TTC12: variants seen among roughly 807,000 people sequenced by gnomAD.
The protein encoded by TTC12 is tetratricopeptide repeat protein 12.
In TTC12, 70 loss-of-function variants were observed where a neutral mutation model predicts 90.1. That is an observed-to-expected ratio of 0.78 (90% confidence interval 0.64 to 0.95). TTC12 has a LOEUF of 0.95. TTC12 is among the 40% of genes least tolerant of loss of function. The pLI is 0.00. For missense variants in TTC12, 819 were observed against 846.1 expected (o/e 0.97, Z 0.40); for synonymous variants, 296 against 311.5 (o/e 0.95, Z 0.53).
At chr11:113,356,674 T>C (rs1329625418) in intron 16 of TTC12, among the ~76,000 whole-genome samples, 1 of 152,112 alleles carries the variant, frequency 6.6e-6, no homozygotes, top group Non-Finnish European at 1.5e-5. Context: ...TTATTTCTCC[T>C]TTACTTATGA....
chr11:113,341,994 C>T lies in TTC12; in HGVS notation c.985+69C>T. On this transcript the variant is annotated intron_variant, in intron 12 of 21. Coordinates refer to ENST00000529221, the MANE Select transcript of TTC12 (RefSeq NM_017868.4). The stretch of plus-strand genomic sequence containing the variant: ...TGCAGGAACTACGCTGTTGGGTGGA[C>T]TGTCCTCCCCAAAGGCCAGGCCCTG... The T allele has an allele frequency of 2.2e-6, 3 of 1,346,108 alleles. No homozygotes were observed. In the South Asian group the frequency reaches 3.5e-5, roughly 16 times the overall value. The allele number at this position is 1,346,108 out of a possible 1,614,324, so 83.4% of individuals were successfully genotyped here.
chr11:113,372,732 A>T (rs1950417985), intron 21 of TTC12, among the ~76,000 whole-genome samples: 1 of 152,136 alleles, frequency 6.6e-6, no homozygotes, highest in Admixed American at 6.5e-5. Context: ...CACATAAACC[A>T]TCCAACGTAA....
chr11:113,317,863 TG>T (rs1947043966), intron 2 of TTC12, among the ~76,000 whole-genome samples: 1 of 152,186 alleles, frequency 6.6e-6, no homozygotes, highest in Admixed American at 6.5e-5. Context: ...TGTATACCAG[TG>T]CTGTCCAATA....
At chr11:113,355,654 C>G (rs1949595017) in intron 16 of TTC12, among the ~76,000 whole-genome samples, 1 of 152,164 alleles carries the variant, frequency 6.6e-6, no homozygotes, top group Admixed American at 6.5e-5. Flanking sequence ...CCCAGAGATT[C>G]TGGTATGTTG....
In TTC12 at chr11:113,364,244, G is replaced by A. The variant is rs1244105897; in HGVS notation, c.1816+317G>A. 6.9e-5 allele frequency: 20 copies of A among 288,268 alleles called. No individual in the cohort carries two copies. The East Asian group carries it at 1.2e-3, about 17-fold the overall frequency. The allele number at this position is 288,268 out of a possible 1,614,324, so 17.9% of individuals were successfully genotyped here. ...TCACAGAAGGAGAGGGGGAAACACC[G>A]TCAACGTTTAGTGAACAAGGGAAAT... On this transcript the variant is annotated intron_variant, in intron 20 of 21. Coordinates refer to ENST00000529221, the MANE Select transcript of TTC12 (RefSeq NM_017868.4).
At position 113,341,791 on chromosome 11, in the gene TTC12, G is replaced by A. The variant is rs782499566; in HGVS notation, c.897-46G>A. 6 of 1,426,046 alleles carry A rather than the reference G, an allele frequency of 4.2e-6. No homozygotes were observed. The East Asian group carries it at 1.4e-4, about 32-fold the overall frequency. 88.3% of individuals were successfully genotyped at this position (1,426,046 alleles called of 1,614,324 possible). ...AAAACCAAATGGAAAAGAAAATCAA[G>A]ACTGATTTTCAGACTTTTAAGATAG... On this transcript the variant is annotated intron_variant, in intron 11 of 21. Transcript: ENST00000529221.
At chr11:113,349,279 G>A (rs1448690053) in intron 13 of TTC12, among the ~76,000 whole-genome samples, 1 of 152,196 alleles carries the variant, frequency 6.6e-6, no homozygotes, top group Non-Finnish European at 1.5e-5. Context: ...ACCTAAGACA[G>A]TTTATCTTAT....
At chr11:113,341,125 G>C (rs1948656479) in intron 11 of TTC12, among the ~76,000 whole-genome samples, 1 of 152,172 alleles carries the variant, frequency 6.6e-6, no homozygotes, top group Admixed American at 6.5e-5. Context: ...AGCTGCTCAG[G>C]AGGCTGAGGC....
chr11:113,365,513 C>G, intron 21 of TTC12: 1 of 208,374 alleles, frequency 4.8e-6, no homozygotes, highest in South Asian at 9.5e-5. Context: ...GCAAGGGTCA[C>G]ATGTTCATGC....
chr11:113,372,671 C>G (rs1950417120), intron 21 of TTC12, among the ~76,000 whole-genome samples: 1 of 152,174 alleles, frequency 6.6e-6, no homozygotes, highest in Non-Finnish European at 1.5e-5. Context: ...TATTATCCCT[C>G]AAATTATTTT....
chr11:113,317,998 G>T (rs542887584), intron 2 of TTC12, among the ~76,000 whole-genome samples: 40 of 152,278 alleles, frequency 2.6e-4, no homozygotes, highest in African/African-American at 8.4e-4. Context: ...TAGTGCTTAG[G>T]GTTCTGTGTG....
intron 9 of TTC12, 151 bp downstream of exon 9, chr11:113,338,985 C>T (rs554805601): frequency 9.9e-6 from 7 of 706,008 alleles, no homozygotes; most frequent in African/African-American, 7.2e-5. Context: ...TTAACCAGCC[C>T]ACTCTGCTCC....
At chr11:113,362,317 C>A in intron 18 of TTC12, 84 bp from the exon 19 acceptor site, 1 of 953,814 alleles carries the variant, frequency 1.0e-6, no homozygotes, top group Non-Finnish European at 1.7e-6. Context: ...ATTGCTTTTG[C>A]CTCACCAAAC....
intron 16 of TTC12, 51 bp from the exon 17 acceptor site, chr11:113,359,312 A>T (rs1256708353): frequency 8.0e-7 from 1 of 1,255,726 alleles, no homozygotes; most frequent in African/African-American, 1.5e-5. Context: ...AGATGACCAT[A>T]AAAAGCTGTA....
chr11:113,344,518 C>A, intron 13 of TTC12, 78 bp downstream of exon 13: 2 of 1,408,330 alleles, frequency 1.4e-6, no homozygotes, highest in South Asian at 1.3e-5. Flanking sequence ...TGTCTCCCCT[C>A]CTATCTCTGT....
In TTC12 at chr11:113,350,089, G is replaced by T. The variant is rs370743540; in HGVS notation, c.1171G>T (p.Val391Leu). The T allele has an allele frequency of 1.2e-5, 19 of 1,613,870 alleles. No homozygotes were observed. The highest frequency in any genetic ancestry group is 1.5e-5 in the Non-Finnish European group (18 of 1,179,790). ...TTTTTGCAGATTATTGGAAGCGCTG[G>T]TGTCATTTCTTGATTTCTCGGATAA... Reference protein sequence around the residue: ...LDLTRLLEALVSFLDFSDKEA... With the variant: ...LDLTRLLEALLSFLDFSDKEA... Residue 391 changes from valine (V) to leucine (L), a missense_variant, in exon 14 of 22, where the codon GTG becomes TTG. Transcript: ENST00000529221.
At chr11:113,347,654 T>C (rs1555148572) in intron 13 of TTC12, among the ~76,000 whole-genome samples, 1 of 152,184 alleles carries the variant, frequency 6.6e-6, no homozygotes. Context: ...AGCTTTCCAG[T>C]ACTTTAGATA....
chr11:113,321,320 C>A (rs1171947112), intron 2 of TTC12, among the ~76,000 whole-genome samples: 3 of 152,078 alleles, frequency 2.0e-5, no homozygotes, highest in Non-Finnish European at 4.4e-5. Flanking sequence ...ACAGCCATAT[C>A]CTGAAGGATA....
chr11:113,368,149 G>A (rs1950273527), downstream of TTC12: 2 of 1,350,986 alleles, frequency 1.5e-6, no homozygotes, highest in African/African-American at 1.5e-5. Context: ...CCAAAGAGTG[G>A]GGAATGTCAA....
Sources: allele counts gnomAD v4.1 joint callset (sites outside exome capture counted in the v4.1 genomes callset), GRCh38; gene constraint gnomAD v4.1.1; transcripts MANE v1.5; gene names NCBI Gene and HGNC (gene_info 2026-07-23, HGNC 2026-07-21).